The following RAB37 variants were observed in gnomAD, a reference collection of about 807,000 sequenced individuals.
The protein encoded by RAB37 is RAB37, member RAS oncogene family.
RAB37 carries 29 observed loss-of-function variants against 33.1 expected under a neutral mutation model. The observed-to-expected ratio is 0.88, with a 90% CI of 0.65 to 1.20. The LOEUF (loss-of-function observed/expected upper bound fraction) is 1.20. Among genes scored for constraint, RAB37 ranks in the 50% most tolerant of loss-of-function variants. The pLI is 0.00. For missense variants in RAB37, 299 were observed against 301.1 expected, an observed-to-expected ratio of 0.99 and a Z score of 0.05; for synonymous variants, 128 against 119.5, an observed-to-expected ratio of 1.07 and a Z score of -0.47.
At chr17:74,698,246 G>A in intron 1 of RAB37, 1 of 727,448 alleles carries the variant, frequency 1.4e-6, no homozygotes, top group South Asian at 1.8e-5. Context: ...CAGCTGCTGA[G>A]GGCCTTTGGG....
chr17:74,728,482 CTG>C (rs1185240411), intron 1 of RAB37, among the ~76,000 whole-genome samples: 3 of 149,900 alleles, frequency 2.0e-5, no homozygotes, highest in Non-Finnish European at 4.4e-5. Context: ...ACGTGTGTTT[CTG>C]TGTGTACACG....
chr17:74,695,076 G>C (rs376373504), intron 1 of RAB37: 30 of 1,606,362 alleles, frequency 1.9e-5, no homozygotes, highest in Non-Finnish European at 2.6e-5. Context: ...TGGGGTCCAA[G>C]AAGGAGCCTG....
chr17:74,742,091 G>T lies in RAB37; in HGVS notation c.205-163G>T, dbSNP rs554227825. 6.6e-6 allele frequency among the ~76,000 whole-genome samples: 1 copy of T among 152,198 alleles called. No individual in the cohort carries two copies. Among genetic ancestry groups the T allele is most frequent in the Non-Finnish European group, 1.5e-5 (1 of 68,028 alleles). ...GGACGACTCCACAGTGGAGGTGTCT[G>T]GGTATGGGGTTCCTGCTGCCCTGAT... On this transcript the variant is annotated intron_variant, in intron 2 of 8. Transcript: ENST00000392613. The surrounding 1 kb of genome is among the most constrained non-coding windows in gnomAD (Gnocchi z 4.0).
intron 1 of RAB37, among the ~76,000 whole-genome samples, chr17:74,687,930 T>G (rs2032086410): frequency 6.6e-6 from 1 of 152,232 alleles, no homozygotes; most frequent in South Asian, 2.1e-4. Flanking sequence ...CAACTGTCCT[T>G]TCTTAGGAAA....
chr17:74,722,342 G>T (rs1047603244), intron 1 of RAB37, among the ~76,000 whole-genome samples: 4 of 151,972 alleles, frequency 2.6e-5, no homozygotes, highest in East Asian at 1.9e-4. Flanking sequence ...TTACATGACT[G>T]GGGGCTGGCA....
chr17:74,720,266 C>T (rs1309975527), intron 1 of RAB37, among the ~76,000 whole-genome samples: 1 of 152,270 alleles, frequency 6.6e-6, no homozygotes, highest in African/African-American at 2.4e-5. Context: ...GGCCCCACGG[C>T]AGCATGAAGG....
intron 1 of RAB37, among the ~76,000 whole-genome samples, chr17:74,675,523 A>G (rs2031811160): frequency 6.6e-6 from 1 of 152,086 alleles, no homozygotes; most frequent in African/African-American, 2.4e-5. Context: ...ACCTAAAATG[A>G]TGAGCTTTGT....
At chr17:74,704,503 G>A (rs1345264166) in intron 1 of RAB37, 8 of 1,613,468 alleles carry the variant, frequency 5.0e-6, no homozygotes, top group Non-Finnish European at 6.8e-6. Context: ...CTTGAACTGT[G>A]ACCCCAAGGT....
chr17:74,708,184 GA>G (rs543996074), intron 1 of RAB37, among the ~76,000 whole-genome samples: 43 of 147,508 alleles, frequency 2.9e-4, no homozygotes, highest in African/African-American at 8.7e-4. Flanking sequence ...AGAAAGAAAA[GA>G]AAAAAAATAC....
intron 1 of RAB37, among the ~76,000 whole-genome samples, chr17:74,686,102 T>C (rs1448913818): frequency 1.3e-5 from 2 of 152,152 alleles, no homozygotes; most frequent in African/African-American, 4.8e-5. Flanking sequence ...GTTATATTTT[T>C]TTTTTCTTGA....
At chr17:74,736,689 C>T (rs1364428946), upstream of RAB37, 1 of 1,535,734 alleles carries the variant, frequency 6.5e-7, no homozygotes, top group Non-Finnish European at 8.7e-7. Flanking sequence ...GTCCCCGCAC[C>T]AGGCAGAGGC....
At chr17:74,689,092 A>C (rs2032111540) in intron 1 of RAB37, among the ~76,000 whole-genome samples, 1 of 152,218 alleles carries the variant, frequency 6.6e-6, no homozygotes, top group African/African-American at 2.4e-5. Context: ...ACTTGAAGTC[A>C]GTTCAAGACC....
At chr17:74,732,669 G>A (rs111210887), upstream of RAB37, among the ~76,000 whole-genome samples, 7 of 112,154 alleles carry the variant, frequency 6.2e-5, no homozygotes, top group African/African-American at 2.3e-4. Context: ...TGATGTGTGT[G>A]TATGTGGCGT....
intron 1 of RAB37, among the ~76,000 whole-genome samples, chr17:74,675,396 C>T (rs2031807419): frequency 6.6e-6 from 1 of 151,284 alleles, no homozygotes; most frequent in African/African-American, 2.4e-5. Context: ...GATCACACCA[C>T]TGCACTTCAG....
chr17:74,722,895 T>C (rs1201376030), intron 1 of RAB37, among the ~76,000 whole-genome samples: 1 of 152,192 alleles, frequency 6.6e-6, no homozygotes. Flanking sequence ...TCAGAGCCAC[T>C]TTAGGAGCCA....
At chr17:74,682,900 G>A (rs574038726) in intron 1 of RAB37, among the ~76,000 whole-genome samples, 12 of 152,098 alleles carry the variant, frequency 7.9e-5, no homozygotes, top group Non-Finnish European at 1.5e-4. Flanking sequence ...GCGAAACTCC[G>A]TCTCAAAAAA....
intron 1 of RAB37, chr17:74,704,713 G>A (rs1054865873): frequency 1.2e-5 from 20 of 1,614,086 alleles, no homozygotes; most frequent in East Asian, 2.2e-5. Context: ...ACCACTTCAA[G>A]TAGGTCTCCC....
At chr17:74,725,942 A>T (rs1463632411) in intron 1 of RAB37, among the ~76,000 whole-genome samples, 3 of 151,588 alleles carry the variant, frequency 2.0e-5, no homozygotes, top group South Asian at 2.1e-4. Flanking sequence ...TAATGCTGAT[A>T]AAAAAAAGAC....
intron 1 of RAB37, among the ~76,000 whole-genome samples, chr17:74,720,987 G>T (rs1347835134): frequency 6.6e-6 from 1 of 152,202 alleles, no homozygotes; most frequent in Non-Finnish European, 1.5e-5. Context: ...GCCATCTGAA[G>T]TTAAGCCGTG....
Sources: gnomAD v4.1 joint callset for allele counts (sites outside exome capture counted in the v4.1 genomes callset) on GRCh38, gnomAD v4.1.1 for gene constraint, Gnocchi (gnomAD v3.1) non-coding constraint, MANE v1.5 for transcripts, NCBI Gene and HGNC (gene_info 2026-07-23, HGNC 2026-07-21) for gene names.